Variants in DPP6 observed in about 807,000 individuals in gnomAD.
The protein encoded by DPP6 is A-type potassium channel modulatory protein DPP6.
Under a neutral mutation model 122.6 loss-of-function variants are expected in DPP6, and 69 were observed. The ratio of observed to expected loss-of-function variants is 0.56; its 90% confidence interval spans 0.46 to 0.69. The LOEUF (loss-of-function observed/expected upper bound fraction) is 0.69, where lower values mean the gene tolerates loss of function less well. Ranked by LOEUF, DPP6 falls within the 30% of genes least tolerant of loss-of-function variation. The pLI is 0.00. For synonymous variants in DPP6, 418 were observed against 433.1 expected, an observed-to-expected ratio of 0.97 and a Z score of 0.43; for missense variants, 928 against 1,116.9, an observed-to-expected ratio of 0.83 and a Z score of 2.41.
intron 2 of DPP6, among the ~76,000 whole-genome samples, chr7:154,453,154 G>A (rs1311644584): frequency 3.9e-5 from 6 of 152,162 alleles, no homozygotes; most frequent in African/African-American, 1.4e-4. Flanking sequence ...ACTCCAGCAG[G>A]ATCGGATTTG....
intron 1 of DPP6, among the ~76,000 whole-genome samples, chr7:154,133,564 A>G (rs1795395740): frequency 6.6e-6 from 1 of 152,198 alleles, no homozygotes; most frequent in African/African-American, 2.4e-5. Context: ...GGGAGAATAC[A>G]GGAAAGTCAT....
intron 16 of DPP6, among the ~76,000 whole-genome samples, chr7:154,816,861 G>A (rs1215883962): frequency 6.6e-6 from 1 of 152,162 alleles, no homozygotes; most frequent in Non-Finnish European, 1.5e-5. Context: ...GGATGCCAGA[G>A]CCACAAAACA....
intron 1 of DPP6, among the ~76,000 whole-genome samples, chr7:153,915,738 A>G (rs1800276881): frequency 2.6e-5 from 4 of 152,158 alleles, no homozygotes; most frequent in Admixed American, 6.5e-5. Flanking sequence ...TGCTTATCCC[A>G]TGCTGCATGG....
the DPP6 span, among the ~76,000 whole-genome samples, chr7:153,841,352 A>C: frequency 0.024 from 3,667 of 152,308 alleles, 133 homozygotes; most frequent in African/African-American, 0.083. Context: ...CACATGTGAC[A>C]AATGATCTGG....
chr7:153,980,690 A>G (rs1398950160), intron 1 of DPP6, among the ~76,000 whole-genome samples: 2 of 152,186 alleles, frequency 1.3e-5, no homozygotes, highest in Admixed American at 6.5e-5. Context: ...GTTTAGTGCC[A>G]TAAATGTCCG....
At position 154,803,384 on chromosome 7, in the gene DPP6, A is replaced by G. The variant is rs573871827; in HGVS notation, c.1408-480A>G. ...ACTTGTAGTGTGGCAATACAGGTCCAAACTGTCCTTGTCAGTGGCAGCAGG... is the reference window on the plus strand; with the variant it reads ...ACTTGTAGTGTGGCAATACAGGTCCGAACTGTCCTTGTCAGTGGCAGCAGG... On this transcript the variant is annotated intron_variant, in intron 13 of 25. Coordinates refer to ENST00000377770, the MANE Select transcript of DPP6 (RefSeq NM_130797.4). Among the ~76,000 whole-genome samples the G allele has an allele frequency of 2.0e-5, 3 of 152,346 alleles. No homozygotes were observed. In the East Asian group the frequency reaches 5.8e-4, roughly 29 times the overall value.
intron 16 of DPP6, among the ~76,000 whole-genome samples, chr7:154,845,568 C>T (rs541387000): frequency 1.3e-5 from 2 of 152,064 alleles, no homozygotes; most frequent in Non-Finnish European, 2.9e-5. Flanking sequence ...ACGTAAATGG[C>T]GAGTTGATGG....
chr7:154,327,314 C>T (rs536958603), intron 1 of DPP6, among the ~76,000 whole-genome samples: 1 of 152,076 alleles, frequency 6.6e-6, no homozygotes, highest in Admixed American at 6.5e-5. Context: ...TTAGGCCAGT[C>T]CTGGTTTATG....
chr7:154,691,493 C>G (rs1194822566), intron 7 of DPP6, among the ~76,000 whole-genome samples: 1 of 152,106 alleles, frequency 6.6e-6, no homozygotes, highest in Non-Finnish European at 1.5e-5. Context: ...ATAAATGAAA[C>G]TTGTTTACAT....
intron 1 of DPP6, among the ~76,000 whole-genome samples, chr7:154,310,674 CG>C (rs1432352644): frequency 1.3e-5 from 2 of 152,172 alleles, no homozygotes; most frequent in Admixed American, 1.3e-4. Flanking sequence ...ATGGAGAACA[CG>C]TGAGGGCTGG....
chr7:153,782,526 C>G, the DPP6 span, among the ~76,000 whole-genome samples: 1 of 152,184 alleles, frequency 6.6e-6, no homozygotes, highest in Non-Finnish European at 1.5e-5. Flanking sequence ...TATGTGAGCT[C>G]AAACCCCCTT....
chr7:154,131,750 A>C (rs1210071648), intron 1 of DPP6, among the ~76,000 whole-genome samples: 2 of 152,178 alleles, frequency 1.3e-5, no homozygotes, highest in African/African-American at 4.8e-5. Flanking sequence ...CTAAGGAAAA[A>C]ATATCTGGAA....
chr7:153,831,498 G>A, the DPP6 span, among the ~76,000 whole-genome samples: 4 of 152,098 alleles, frequency 2.6e-5, no homozygotes, highest in Non-Finnish European at 4.4e-5. Context: ...GGTGGCAAAC[G>A]TTTTCTATAA....
intron 12 of DPP6, 112 bp from the exon 13 acceptor site, chr7:154,801,243 C>T: frequency 7.0e-7 from 1 of 1,436,012 alleles, no homozygotes; most frequent in Non-Finnish European, 9.4e-7. Context: ...AACTGTTCCT[C>T]TCCTTAGAAA....
chr7:154,196,186 T>C lies in DPP6; in HGVS notation c.243+143123T>C, dbSNP rs542629325. Among the ~76,000 whole-genome samples, 7 of 152,284 alleles carry C rather than the reference T, an allele frequency of 4.6e-5. No homozygotes were observed. In the East Asian group the frequency reaches 1.4e-3, roughly 29 times the overall value. The stretch of plus-strand genomic sequence containing the variant: ...TGCTACAGCTGGAATGTAATCTTGC[T>C]TGGAGTAAGAACTTACAAATGGGCC... On this transcript the variant is annotated intron_variant, in intron 1 of 25. Coordinates refer to ENST00000377770, the MANE Select transcript of DPP6 (RefSeq NM_130797.4).
intron 4 of DPP6, among the ~76,000 whole-genome samples, chr7:154,553,212 G>A (rs1829761579): frequency 6.6e-6 from 1 of 152,228 alleles, no homozygotes; most frequent in Non-Finnish European, 1.5e-5. Context: ...GAAGACACAG[G>A]AGAAGTTGGT....
At chr7:154,388,379 G>A (rs1261161370) in intron 1 of DPP6, among the ~76,000 whole-genome samples, 1 of 152,178 alleles carries the variant, frequency 6.6e-6, no homozygotes, top group Non-Finnish European at 1.5e-5. Context: ...AGACTTTGAA[G>A]ACATTGACTT....
chr7:154,390,481 G>A (rs1458394409), intron 1 of DPP6, among the ~76,000 whole-genome samples: 1 of 152,168 alleles, frequency 6.6e-6, no homozygotes, highest in Non-Finnish European at 1.5e-5. Flanking sequence ...AGTGAGATTG[G>A]AAGGTGTTGG....
At chr7:153,998,177 T>C (rs1323890786) in intron 1 of DPP6, among the ~76,000 whole-genome samples, 1 of 152,052 alleles carries the variant, frequency 6.6e-6, no homozygotes, top group African/African-American at 2.4e-5. Context: ...GACGTATCTC[T>C]AGATAGAAGG....
Sources: gnomAD v4.1 joint callset for allele counts (sites outside exome capture counted in the v4.1 genomes callset) on GRCh38, gnomAD v4.1.1 for gene constraint, MANE v1.5 for transcripts, NCBI Gene and HGNC (gene_info 2026-07-23, HGNC 2026-07-21) for gene names.